Variants in CYP2B6 observed in about 807,000 individuals in gnomAD.
CYP2B6 encodes the protein cytochrome P450 family 2 subfamily B member 6.
Under a neutral mutation model 43.4 loss-of-function variants are expected in CYP2B6, and 35 were observed. The ratio of observed to expected loss-of-function variants is 0.81; its 90% CI spans 0.62 to 1.07. The LOEUF (loss-of-function observed/expected upper bound fraction) is 1.07, where lower values mean the gene tolerates loss of function less well. Ranked by LOEUF, CYP2B6 falls within the 50% of genes least tolerant of loss-of-function variation. The pLI is 0.00. For missense variants in CYP2B6, 624 were observed against 632.8 expected (o/e 0.99, Z 0.15); for synonymous variants, 239 against 239.2 (o/e 1.00, Z 0.01).
At chr19:41,009,797 T>C (rs2279345) in intron 5 of CYP2B6, 197 bp from the exon 6 acceptor site, 421,497 of 638,240 alleles carry the variant, frequency 0.66, 141,372 homozygotes, top group Admixed American at 0.81. Context: ...GAAACAGAGT[T>C]AGGAAGACTA....
chr19:40,997,994 T>C (rs1034192221), intron 1 of CYP2B6, among the ~76,000 whole-genome samples: 1 of 152,022 alleles, frequency 6.6e-6, no homozygotes, highest in Non-Finnish European at 1.5e-5. Context: ...CCCAGCTACT[T>C]GGGAGACTGA....
Position 41,016,744 on chromosome 19 carries a change from C to G in CYP2B6, c.1393C>G (p.Pro465Ala), listed in dbSNP as rs1969374826. The change falls in exon 9 of 9, where the codon CCA becomes GCA. Residue 465 changes from proline to alanine, a missense_variant. Pro to Ala is a conservative substitution (Grantham distance 27). Coordinates refer to ENST00000324071, the MANE Select transcript of CYP2B6 (RefSeq NM_000767.5). ...CTTCTCCATGGCCAGCCCCGTGGCC[C>G]CAGAAGACATCGATCTGACACCCCA... Reference protein sequence around the residue: ...QNFSMASPVAPEDIDLTPQEC... With the variant: ...QNFSMASPVAAEDIDLTPQEC... 1 of 1,614,112 alleles carries G rather than the reference C, an allele frequency of 6.2e-7. No individual in the cohort carries two copies. The highest frequency in any genetic ancestry group is 8.5e-7 in the Non-Finnish European group (1 of 1,180,048).
intron 1 of CYP2B6, among the ~76,000 whole-genome samples, chr19:40,999,500 C>T (rs1442469931): frequency 6.6e-6 from 1 of 152,054 alleles, no homozygotes; most frequent in African/African-American, 2.4e-5. Context: ...CTTGCCCATG[C>T]CTATGTCCTG....
chr19:41,013,859 C>G (rs1969322170), intron 8 of CYP2B6, among the ~76,000 whole-genome samples: 1 of 152,206 alleles, frequency 6.6e-6, no homozygotes, highest in Non-Finnish European at 1.5e-5. Context: ...TGGTCAGGCA[C>G]TATTTATCCA....
In CYP2B6 at chr19:41,008,102, T is replaced by C. The variant is rs576411732; in HGVS notation, c.645+1037T>C. Among the ~76,000 whole-genome samples the C allele has an allele frequency of 2.9e-4, 44 of 152,198 alleles. No individual in the cohort carries two copies. The South Asian group carries it at 6.4e-3, about 22-fold the overall frequency. The stretch of plus-strand genomic sequence containing the variant: ...AGATTGTAAAGGCAGTCTTCTGCTC[T>C]TTTAAAACAAAATACTAAAATGTCT... On this transcript the variant is annotated intron_variant, in intron 4 of 8. Coordinates refer to ENST00000324071, the MANE Select transcript of CYP2B6 (RefSeq NM_000767.5).
At position 40,994,110 on chromosome 19, in the gene CYP2B6, C is replaced by A. The variant is rs111700983; in HGVS notation, c.171+2634C>A. 4.2e-3 allele frequency among the ~76,000 whole-genome samples: 638 copies of A among 152,210 alleles called. 7 individuals carry two copies. Among genetic ancestry groups the A allele is most frequent in the Non-Finnish European group, 4.4e-3 (296 of 68,022 alleles). Reference sequence around the variant, plus strand: ...TGAGCACCCAGGAACCCAACTGGAACCTTTTCTGAACAGAAACCAACTTAT... The same window carrying A: ...TGAGCACCCAGGAACCCAACTGGAAACTTTTCTGAACAGAAACCAACTTAT... On this transcript the variant is annotated intron_variant, in intron 1 of 8. Coordinates refer to ENST00000324071, the MANE Select transcript of CYP2B6 (RefSeq NM_000767.5).
chr19:41,015,759 A>G (rs1969351002), intron 8 of CYP2B6, among the ~76,000 whole-genome samples: 1 of 151,416 alleles, frequency 6.6e-6, no homozygotes, highest in Non-Finnish European at 1.5e-5. Flanking sequence ...CAGCCTAGAG[A>G]CACAGACACA....
intron 6 of CYP2B6, among the ~76,000 whole-genome samples, chr19:41,011,810 G>A (rs1046446394): frequency 4.6e-5 from 7 of 152,082 alleles, no homozygotes; most frequent in African/African-American, 1.7e-4. Context: ...TTCAAGCAGT[G>A]AGAATTCTTG....
At chr19:40,998,400 C>G (rs1969029738) in intron 1 of CYP2B6, among the ~76,000 whole-genome samples, 1 of 152,038 alleles carries the variant, frequency 6.6e-6, no homozygotes, top group Non-Finnish European at 1.5e-5. Flanking sequence ...TTTGTATTTG[C>G]CTAAAATGAG....
chr19:41,012,323 G>C lies in CYP2B6; in HGVS notation c.990G>C (p.Gln330His). ...VAERVYREIE[Q>H]VIGPHRPPEL... is the part of the protein sequence containing the mutation. ...AGAGAGTCTACAGGGAGATTGAACA[G>C]GTGATTGGCCCACATCGCCCTCCAG... Residue 330 changes from glutamine (Q) to histidine (H), a missense_variant, in exon 7 of 9, where the codon CAG becomes CAC. Coordinates refer to ENST00000324071, the MANE Select transcript of CYP2B6 (RefSeq NM_000767.5). 1.2e-6 allele frequency: 2 copies of C among 1,614,104 alleles called. No individual in the cohort carries two copies. Among genetic ancestry groups the C allele is most frequent in the Non-Finnish European group, 1.7e-6 (2 of 1,180,010 alleles).
At chr19:40,995,526 G>T (rs181789767) in intron 1 of CYP2B6, among the ~76,000 whole-genome samples, 34 of 152,278 alleles carry the variant, frequency 2.2e-4, no homozygotes, top group African/African-American at 7.9e-4. Flanking sequence ...GAAAGGTCTG[G>T]TTGTCATCAA....
At chr19:40,997,551 T>C (rs1969016240) in intron 1 of CYP2B6, among the ~76,000 whole-genome samples, 1 of 152,152 alleles carries the variant, frequency 6.6e-6, no homozygotes, top group Admixed American at 6.5e-5. Flanking sequence ...TTAAATTATT[T>C]GCTCAGACAG....
intron 1 of CYP2B6, among the ~76,000 whole-genome samples, chr19:40,999,294 T>G (rs1969045596): frequency 6.6e-6 from 1 of 152,102 alleles, no homozygotes; most frequent in Non-Finnish European, 1.5e-5. Flanking sequence ...TAAATTTGTT[T>G]GAGTTCATTG....
intron 4 of CYP2B6, 94 bp downstream of exon 4, chr19:41,007,159 G>A: frequency 7.8e-7 from 1 of 1,276,494 alleles, no homozygotes. Flanking sequence ...GCTCAGAAAT[G>A]CAGCTTATCC....
chr19:41,012,731 A>G lies in CYP2B6; in HGVS notation c.1210A>G (p.Lys404Glu). The change falls in exon 8 of 9, where the codon AAA becomes GAA. Residue 404 changes from lysine to glutamate, a missense_variant. Lys to Glu is a moderately conservative substitution (Grantham distance 56). Transcript: ENST00000324071. ...TALHDPHYFEKPDAFNPDHFL... is the reference protein window; with the variant it reads ...TALHDPHYFEEPDAFNPDHFL... ...TCTCCATGACCCACACTACTTTGAAAAACCAGACGCCTTCAATCCTGACCA... is the reference window on the plus strand; with the variant it reads ...TCTCCATGACCCACACTACTTTGAAGAACCAGACGCCTTCAATCCTGACCA... 6.2e-7 allele frequency: 1 copy of G among 1,614,132 alleles called. No homozygotes were observed. Among genetic ancestry groups the G allele is most frequent in the African/African-American group, 1.3e-5 (1 of 75,020 alleles).
chr19:41,006,827 A>G, intron 3 of CYP2B6, 78 bp from the exon 4 acceptor site: 2 of 1,343,176 alleles, frequency 1.5e-6, no homozygotes, highest in South Asian at 2.4e-5. Flanking sequence ...GATGGCAGAC[A>G]ATCACACAGA....
Position 41,016,629 on chromosome 19 carries a change from A to T in CYP2B6, c.1295-17A>T. The T allele has an allele frequency of 6.2e-7, 1 of 1,613,910 alleles. No individual in the cohort carries two copies. Among genetic ancestry groups the T allele is most frequent in the Non-Finnish European group, 8.5e-7 (1 of 1,179,872 alleles). On this transcript the variant is annotated splice_polypyrimidine_tract_variant and intron_variant, in intron 8 of 8. Transcript: ENST00000324071. ...CACCTGCCCTGTGCCCACACTGGTGACCTTCTGTGTCCACAGGGAAGCGGA... is the reference window on the plus strand; with the variant it reads ...CACCTGCCCTGTGCCCACACTGGTGTCCTTCTGTGTCCACAGGGAAGCGGA...
chr19:41,010,879 G>T (rs142583125), intron 6 of CYP2B6, among the ~76,000 whole-genome samples: 37 of 152,166 alleles, frequency 2.4e-4, no homozygotes, highest in African/African-American at 7.5e-4. Flanking sequence ...TCACTCATGA[G>T]TGAGAACATG....
In CYP2B6 at chr19:41,009,296, C is replaced by G; in HGVS notation, c.723C>G (p.Ile241Met). 6.2e-7 allele frequency: 1 copy of G among 1,613,042 alleles called. No individual in the cohort carries two copies. Among genetic ancestry groups the G allele is most frequent in the Non-Finnish European group, 8.5e-7 (1 of 1,179,438 alleles). Reference protein sequence around the residue: ...HRQVYKNLQEINAYIGHSVEK... With the variant: ...HRQVYKNLQEMNAYIGHSVEK... Reference sequence around the variant, plus strand: ...AAGTTTACAAAAACCTGCAGGAAATCAATGCTTACATTGGCCACAGTGTGG... The same window carrying G: ...AAGTTTACAAAAACCTGCAGGAAATGAATGCTTACATTGGCCACAGTGTGG... Residue 241 changes from isoleucine to methionine, a missense_variant, in exon 5 of 9, where the codon ATC becomes ATG. Physicochemically the swap from Ile to Met is conservative, Grantham distance 10 (BLOSUM62 1). Coordinates refer to ENST00000324071, the MANE Select transcript of CYP2B6 (RefSeq NM_000767.5).
Sources: gnomAD v4.1 joint callset for allele counts (sites outside exome capture counted in the v4.1 genomes callset) on GRCh38, gnomAD v4.1.1 for gene constraint, MANE v1.5 for transcripts, NCBI Gene and HGNC (gene_info 2026-07-23, HGNC 2026-07-21) for gene names.